Variants in PREPL observed in about 807,000 individuals in gnomAD.
PREPL encodes prolyl endopeptidase-like.
A neutral mutation model predicts 70.6 loss-of-function variants in PREPL; 77 were observed. That is an observed-to-expected ratio of 1.09 (90% confidence interval 0.91 to 1.32). The LOEUF is 1.32. Among genes scored for constraint, PREPL ranks in the 40% most tolerant of loss-of-function variants. PREPL has a pLI of 0.00. For missense variants in PREPL, 1,002 were observed against 778.2 expected, an observed-to-expected ratio of 1.29 and a Z score of -3.42; for synonymous variants, 315 against 264.8, an observed-to-expected ratio of 1.19 and a Z score of -1.84.
intron 7 of PREPL, among the ~76,000 whole-genome samples, chr2:44,334,227 T>C (rs1433633516): frequency 6.6e-6 from 1 of 152,142 alleles, no homozygotes; most frequent in Non-Finnish European, 1.5e-5. Flanking sequence ...AGAGAGTAAG[T>C]AGGCCAGGAG....
intron 11 of PREPL, 101 bp from the exon 12 acceptor site, chr2:44,322,955 G>A (rs1172546100): frequency 1.4e-6 from 2 of 1,458,788 alleles, no homozygotes; most frequent in Non-Finnish European, 1.9e-6. Flanking sequence ...TTCCCTGTAA[G>A]TGCTCTATGC....
At chr2:44,332,356 A>G in intron 8 of PREPL, 103 bp downstream of exon 8, 4 of 1,026,762 alleles carry the variant, frequency 3.9e-6, no homozygotes, top group Non-Finnish European at 5.8e-6. Flanking sequence ...TAAGAAATCT[A>G]CATTAGGAAA....
chr2:44,350,841 T>TTCC (rs1483177461), intron 1 of PREPL, among the ~76,000 whole-genome samples: 1 of 152,176 alleles, frequency 6.6e-6, no homozygotes, highest in Non-Finnish European at 1.5e-5. Flanking sequence ...AATTGATCAC[T>TTCC]TCCTCCTCCT....
In PREPL at chr2:44,359,640, G is replaced by T. The variant is rs145322905; in HGVS notation, c.-49+1740C>A. On this transcript the variant is annotated intron_variant, in intron 1 of 13. Coordinates refer to ENST00000409411, the MANE Select transcript of PREPL (RefSeq NM_001171613.2). Reference sequence around the variant, plus strand: ...GCGAAGTTATAGTGATTCAAATGCTGTTTCTGCATGCATTTTCCAAGGTGA... The same window carrying T: ...GCGAAGTTATAGTGATTCAAATGCTTTTTCTGCATGCATTTTCCAAGGTGA... 297 of 1,612,890 alleles carry T rather than the reference G, an allele frequency of 1.8e-4. No homozygotes were observed. The African/African-American group carries it at 2.6e-3, about 14-fold the overall frequency.
At chr2:44,328,904 C>A in intron 9 of PREPL, 33 bp downstream of exon 9, 5 of 1,583,048 alleles carry the variant, frequency 3.2e-6, no homozygotes, top group South Asian at 1.2e-5. Context: ...AATGGTCTAG[C>A]ACTTACATGC....
chr2:44,323,169 A>G (rs1351816528), intron 11 of PREPL, 93 bp downstream of exon 11: 3 of 1,254,548 alleles, frequency 2.4e-6, no homozygotes, highest in Non-Finnish European at 3.3e-6. Flanking sequence ...AAACATCTCT[A>G]AAGCTCCTAT....
chr2:44,330,625 C>G (rs960336443), intron 8 of PREPL, among the ~76,000 whole-genome samples: 6 of 151,856 alleles, frequency 4.0e-5, no homozygotes, highest in Admixed American at 1.3e-4. Flanking sequence ...TTAATATTTA[C>G]TTAAAGATTG....
intron 1 of PREPL, among the ~76,000 whole-genome samples, chr2:44,355,502 C>G (rs564125777): frequency 6.6e-6 from 1 of 152,168 alleles, no homozygotes; most frequent in East Asian, 1.9e-4. Flanking sequence ...TGAGCAGAGA[C>G]TGTGCCACTG....
rs1242131648 is a variant in PREPL, at chr2:44,318,296, TG to T, written c.*3059del. 3.8e-6 allele frequency: 1 copy of T among 262,366 alleles called. No individual in the cohort carries two copies. Among genetic ancestry groups the T allele is most frequent in the East Asian group, 1.4e-4 (1 of 7,380 alleles). The allele number at this position is 262,366 out of a possible 1,614,324, so 16.3% of individuals were successfully genotyped here. ...TAGTAGAGATGGTGTTTCACCATGT[TG>T]GCCAGGCTGGTCTTGAACTCCTGAC... On this transcript the variant is annotated 3_prime_UTR_variant, in exon 14 of 14. Transcript: ENST00000409411.
intron 1 of PREPL, among the ~76,000 whole-genome samples, chr2:44,347,502 C>CTT (rs1312253915): frequency 6.6e-6 from 1 of 152,188 alleles, no homozygotes; most frequent in Non-Finnish European, 1.5e-5. Flanking sequence ...TTCACTGTGT[C>CTT]TTATCAAGAG....
intron 1 of PREPL, among the ~76,000 whole-genome samples, chr2:44,351,784 C>G (rs1371893387): frequency 2.0e-5 from 3 of 152,216 alleles, no homozygotes; most frequent in East Asian, 3.9e-4. Flanking sequence ...AAAGCTTTCT[C>G]TGCTTCTGCG....
At chr2:44,336,910 T>C (rs1002157059) in intron 7 of PREPL, among the ~76,000 whole-genome samples, 1 of 152,130 alleles carries the variant, frequency 6.6e-6, no homozygotes, top group East Asian at 1.9e-4. Context: ...CAGGCCCTTG[T>C]TATTTCTTAT....
At chr2:44,331,319 A>C (rs1446992764) in intron 8 of PREPL, among the ~76,000 whole-genome samples, 1 of 151,902 alleles carries the variant, frequency 6.6e-6, no homozygotes, top group Admixed American at 6.6e-5. Flanking sequence ...GGTTCAAAGG[A>C]TTCTCCTGCC....
chr2:44,325,814 A>G (rs773601267), intron 10 of PREPL, among the ~76,000 whole-genome samples: 1 of 152,224 alleles, frequency 6.6e-6, no homozygotes, highest in Non-Finnish European at 1.5e-5. Flanking sequence ...CTCCCATCTC[A>G]GTCATTATTT....
chr2:44,325,701 TA>T (rs943872921), intron 10 of PREPL, among the ~76,000 whole-genome samples: 1 of 152,166 alleles, frequency 6.6e-6, no homozygotes, highest in Non-Finnish European at 1.5e-5. Flanking sequence ...TTTCTGTTTT[TA>T]AAAAATAGAC....
chr2:44,327,355 G>C (rs575940734), intron 9 of PREPL, among the ~76,000 whole-genome samples: 1 of 152,238 alleles, frequency 6.6e-6, no homozygotes, highest in East Asian at 1.9e-4. Context: ...GTGTATTTAA[G>C]GTATTACAGG....
intron 2 of PREPL, among the ~76,000 whole-genome samples, chr2:44,345,764 T>C (rs1053321657): frequency 6.6e-6 from 1 of 152,342 alleles, no homozygotes; most frequent in South Asian, 2.1e-4. Context: ...TTAAAAAATT[T>C]AGACAAAACA....
At chr2:44,326,649 T>TAG in intron 10 of PREPL, 63 bp downstream of exon 10, 1 of 1,527,638 alleles carries the variant, frequency 6.5e-7, no homozygotes, top group Non-Finnish European at 9.0e-7. Context: ...ACATTTTTCT[T>TAG]AGAGTAGCCT....
At position 44,322,818 on chromosome 2, in the gene PREPL, C is replaced by G; in HGVS notation, c.1666G>C (p.Asp556His). The G allele has an allele frequency of 2.5e-6, 4 of 1,613,732 alleles. No individual in the cohort carries two copies. Among genetic ancestry groups the G allele is most frequent in the Non-Finnish European group, 3.4e-6 (4 of 1,179,734 alleles). ...ATTCCTTTCAGAGGTACCCGTTCATCGTTTTCATATGCCGTTATGTGAATT... is the reference window on the plus strand; with the variant it reads ...ATTCCTTTCAGAGGTACCCGTTCATGGTTTTCATATGCCGTTATGTGAATT... ...PSIHITAYENDERVPLKGIVS... is the reference protein window; with the variant it reads ...PSIHITAYENHERVPLKGIVS... Residue 556 changes from aspartate (D) to histidine (H), a missense_variant, in exon 12 of 14, where the codon GAT becomes CAT. By Grantham distance (81) the Asp-to-His change is moderately conservative. Coordinates refer to ENST00000409411, the MANE Select transcript of PREPL (RefSeq NM_001171613.2).
Sources: gnomAD v4.1 joint callset for allele counts (sites outside exome capture counted in the v4.1 genomes callset) on GRCh38, gnomAD v4.1.1 for gene constraint, MANE v1.5 for transcripts, NCBI Gene and HGNC (gene_info 2026-07-23, HGNC 2026-07-21) for gene names.